The following MYOM1 variants were observed in gnomAD, a reference collection of about 807,000 sequenced individuals.
The protein encoded by MYOM1 is myomesin-1.
In MYOM1, 164 loss-of-function variants were observed where a neutral mutation model predicts 205.3. The ratio of observed to expected loss-of-function variants is 0.80; its 90% CI spans 0.70 to 0.91. The LOEUF (loss-of-function observed/expected upper bound fraction) is 0.91. MYOM1 is among the 40% of genes least tolerant of loss of function. The pLI is 0.00. For synonymous variants in MYOM1, 772 were observed against 789.4 expected (o/e 0.98, Z 0.37); for missense variants, 2,011 against 2,127.3 (o/e 0.95, Z 1.08).
In MYOM1 at chr18:3,159,412, A is replaced by G. The variant is rs372440056; in HGVS notation, c.1502-4324T>C. Among the ~76,000 whole-genome samples the G allele has an allele frequency of 1.4e-4, 21 of 152,328 alleles. No individual in the cohort carries two copies. In the East Asian group the frequency reaches 3.1e-3, roughly 22 times the overall value. On this transcript the variant is annotated intron_variant, in intron 10 of 37. Coordinates refer to ENST00000356443, the MANE Select transcript of MYOM1 (RefSeq NM_003803.4). ...TGACCTCGTGCAGCTCAATGAATAC[A>G]AAGTTTTTTTAAAAATAAAATATTA...
chr18:3,140,663 A>G (rs35561915), intron 14 of MYOM1, among the ~76,000 whole-genome samples: 49,520 of 152,032 alleles, frequency 0.33, 8,899 homozygotes, highest in Admixed American at 0.43. Flanking sequence ...ATACACCTAC[A>G]TACCTATGAA....
At chr18:3,192,689 A>G (rs1285022854) in intron 3 of MYOM1, among the ~76,000 whole-genome samples, 1 of 152,236 alleles carries the variant, frequency 6.6e-6, no homozygotes, top group Non-Finnish European at 1.5e-5. Flanking sequence ...TTGAGCTTTA[A>G]TCTTGGTGTC....
chr18:3,092,597 T>C (rs536367441), intron 26 of MYOM1, among the ~76,000 whole-genome samples: 2 of 152,282 alleles, frequency 1.3e-5, no homozygotes, highest in African/African-American at 4.8e-5. Context: ...TAAGTTTTAG[T>C]TGCTAGGCAT....
chr18:3,095,875 G>T (rs192288157), intron 25 of MYOM1, among the ~76,000 whole-genome samples: 298 of 152,304 alleles, frequency 2.0e-3, no homozygotes, highest in African/African-American at 6.8e-3. Context: ...TCCCTTACAG[G>T]ATGCTCATGC....
chr18:3,231,459 C>T, the MYOM1 span, among the ~76,000 whole-genome samples: 1 of 151,722 alleles, frequency 6.6e-6, no homozygotes, highest in African/African-American at 2.4e-5. Context: ...TGAGAGAAAA[C>T]CTGAAGAGCC....
chr18:3,072,371 T>TTTTTTTTTTTTTTTTTTG (rs2078969735), intron 36 of MYOM1, among the ~76,000 whole-genome samples: 1 of 132,504 alleles, frequency 7.5e-6, no homozygotes, highest in African/African-American at 3.0e-5. Context: ...TTTTTTTTTT[T>TTTTTTTTTTTTTTTTTTG]GAGGCAGAGT....
the MYOM1 span, among the ~76,000 whole-genome samples, chr18:3,231,328 G>A: frequency 6.6e-6 from 1 of 152,206 alleles, no homozygotes; most frequent in Non-Finnish European, 1.5e-5. Context: ...ACAGCATGCT[G>A]AAATTATGAG....
intron 19 of MYOM1, among the ~76,000 whole-genome samples, chr18:3,123,780 T>G (rs2079734349): frequency 6.6e-6 from 1 of 151,494 alleles, no homozygotes; most frequent in Admixed American, 6.6e-5. Flanking sequence ...GAGAAGCTGA[T>G]CTATCAGTCA....
the MYOM1 span, among the ~76,000 whole-genome samples, chr18:3,228,764 G>C: frequency 6.6e-6 from 1 of 152,084 alleles, no homozygotes; most frequent in African/African-American, 2.4e-5. This position sits in a 1 kb window ranked among gnomAD's most constrained non-coding sequence, Gnocchi z 4.5. Context: ...AGTTAATCCT[G>C]GGTCCCGCGC....
intron 21 of MYOM1, among the ~76,000 whole-genome samples, chr18:3,115,037 C>G (rs1234471022): frequency 6.6e-6 from 1 of 152,008 alleles, no homozygotes; most frequent in East Asian, 1.9e-4. Flanking sequence ...GCATCCTCTA[C>G]AGTGGCAGAC....
chr18:3,127,547 G>T (rs960431471), intron 18 of MYOM1, among the ~76,000 whole-genome samples: 2 of 151,728 alleles, frequency 1.3e-5, no homozygotes, highest in Non-Finnish European at 2.9e-5. Flanking sequence ...GACCTTAGGT[G>T]ATCCACCCAC....
intron 36 of MYOM1, among the ~76,000 whole-genome samples, chr18:3,073,808 C>T (rs919653574): frequency 1.3e-5 from 2 of 152,336 alleles, no homozygotes; most frequent in Middle Eastern, 3.4e-3. Context: ...CTCTTCAGCT[C>T]ATCCACGGTA....
intron 34 of MYOM1, among the ~76,000 whole-genome samples, chr18:3,078,062 G>A (rs2079040361): frequency 6.7e-6 from 1 of 149,818 alleles, no homozygotes; most frequent in Admixed American, 6.6e-5. Flanking sequence ...TTTTTTTTGA[G>A]ACAGAGTCTC....
Position 3,215,054 on chromosome 18 carries a change from T to A in MYOM1, c.170A>T (p.Glu57Val). 6.2e-7 allele frequency: 1 copy of A among 1,613,384 alleles called. No homozygotes were observed. Among genetic ancestry groups the A allele is most frequent in the Middle Eastern group, 1.7e-4 (1 of 5,988 alleles). ...SSRSSAAHRR[E>V]SEAFRRASAS... ...GGACGCCCGACGGAAGGCCTCGGACTCCCGGCGGTGCGCGGCGGAGGAGCG... is the reference window on the plus strand; with the variant it reads ...GGACGCCCGACGGAAGGCCTCGGACACCCGGCGGTGCGCGGCGGAGGAGCG... Residue 57 changes from glutamate (E) to valine (V), a missense_variant, in exon 2 of 38, where the codon GAG becomes GTG. Coordinates refer to ENST00000356443, the MANE Select transcript of MYOM1 (RefSeq NM_003803.4).
rs4490075 is a variant in MYOM1 at position 3,076,003 on chromosome 18, T to C, written c.4649-242A>G. On this transcript the variant is annotated intron_variant, in intron 34 of 37. Coordinates refer to ENST00000356443, the MANE Select transcript of MYOM1 (RefSeq NM_003803.4). Reference sequence around the variant, plus strand: ...GAAGCTTTCAACTCAGCAAGAGGGCTTCAGCCCCTCAAACGGAAAGGCAAA... The same window carrying C: ...GAAGCTTTCAACTCAGCAAGAGGGCCTCAGCCCCTCAAACGGAAAGGCAAA... Among the ~76,000 whole-genome samples the C allele has an allele frequency of 0.13, 19,555 of 152,232 alleles. 1,427 individuals carry two copies. The highest frequency in any genetic ancestry group is 0.19 in the African/African-American group (8,056 of 41,528).
upstream of MYOM1, among the ~76,000 whole-genome samples, chr18:3,224,336 G>A (rs540021608): frequency 3.9e-5 from 6 of 152,322 alleles, no homozygotes; most frequent in African/African-American, 1.2e-4. Flanking sequence ...ATTAGATCTA[G>A]TTTGAATGTT....
At chr18:3,234,706 G>A in the MYOM1 span, among the ~76,000 whole-genome samples, 3 of 152,100 alleles carry the variant, frequency 2.0e-5, no homozygotes, top group Non-Finnish European at 2.9e-5. Flanking sequence ...CAGGCTGCCA[G>A]CCTAATTATT....
chr18:3,244,276 A>T, the MYOM1 span, among the ~76,000 whole-genome samples: 1 of 152,174 alleles, frequency 6.6e-6, no homozygotes, highest in South Asian at 2.1e-4. Context: ...AGTGGATCAT[A>T]AGCTCACATT....
At chr18:3,139,527 C>T (rs2080019994) in intron 14 of MYOM1, among the ~76,000 whole-genome samples, 1 of 152,224 alleles carries the variant, frequency 6.6e-6, no homozygotes, top group South Asian at 2.1e-4. Context: ...CATCCTGGAA[C>T]AGACGCAGCA....
Sources: gnomAD v4.1 joint callset for allele counts (sites outside exome capture counted in the v4.1 genomes callset) on GRCh38, gnomAD v4.1.1 for gene constraint, Gnocchi (gnomAD v3.1) non-coding constraint, MANE v1.5 for transcripts, NCBI Gene and HGNC (gene_info 2026-07-23, HGNC 2026-07-21) for gene names.